The following DACH2 variants were observed in gnomAD, a reference collection of about 807,000 sequenced individuals.
DACH2 encodes the protein dachshund homolog 2.
In DACH2, 17 loss-of-function variants were observed where a neutral mutation model predicts 35.8. The ratio of observed to expected loss-of-function variants is 0.48; its 90% CI spans 0.33 to 0.71. The LOEUF (loss-of-function observed/expected upper bound fraction) is 0.71, where lower values mean the gene tolerates loss of function less well. Among genes scored for constraint, DACH2 ranks in the 30% least tolerant of loss-of-function variants. The pLI, the probability that DACH2 is intolerant of heterozygous loss-of-function variation, is 0.02. For missense variants in DACH2, 469 were observed against 472.7 expected (o/e 0.99, Z 0.07); for synonymous variants, 195 against 177.3 (o/e 1.10, Z -0.79).
chrX:86,349,874 A>T (rs2035563731), intron 1 of DACH2, among the ~76,000 whole-genome samples: 1 of 111,824 alleles, frequency 8.9e-6, no homozygotes, highest in African/African-American at 3.3e-5. Context: ...TTTACACTAC[A>T]GTTAGTTCAG....
intron 7 of DACH2, among the ~76,000 whole-genome samples, chrX:86,772,958 A>G (rs1053109198): frequency 3.6e-5 from 4 of 111,666 alleles, no homozygotes; most frequent in African/African-American, 1.3e-4. Flanking sequence ...GGAGCATTCA[A>G]TCAGGTGCTT....
chrX:86,207,401 C>A (rs1445176165), intron 1 of DACH2, among the ~76,000 whole-genome samples: 1 of 111,102 alleles, frequency 9.0e-6, no homozygotes, highest in African/African-American at 3.3e-5. Flanking sequence ...GGATGTATTG[C>A]ATCCACAGAA....
intron 7 of DACH2, among the ~76,000 whole-genome samples, chrX:86,755,557 G>A (rs750570125): frequency 1.1e-4 from 12 of 107,284 alleles, no homozygotes; most frequent in African/African-American, 3.7e-4. Flanking sequence ...TATAGTTTCA[G>A]GTCTTACATT....
chrX:86,510,536 A>G (rs1442596730), intron 2 of DACH2, among the ~76,000 whole-genome samples: 1 of 111,917 alleles, frequency 8.9e-6, no homozygotes, highest in African/African-American at 3.2e-5. Context: ...TTTCTTCTAA[A>G]GAAGTTTACA....
At chrX:86,186,378 G>C (rs1306272724) in intron 1 of DACH2, among the ~76,000 whole-genome samples, 1 of 112,032 alleles carries the variant, frequency 8.9e-6, no homozygotes, top group Non-Finnish European at 1.9e-5. Context: ...TTGTCATATT[G>C]TATAATGAAT....
intron 1 of DACH2, among the ~76,000 whole-genome samples, chrX:86,239,731 C>A: frequency 8.9e-6 from 1 of 111,934 alleles, no homozygotes; most frequent in East Asian, 2.8e-4. Flanking sequence ...ATTGCTGTAT[C>A]ATAGACTTAG....
intron 1 of DACH2, among the ~76,000 whole-genome samples, chrX:86,155,814 C>G (rs1181861995): frequency 2.7e-5 from 3 of 110,715 alleles, no homozygotes; most frequent in Non-Finnish European, 3.8e-5. Flanking sequence ...AATAGGAAAA[C>G]AGTAAACACC....
intron 3 of DACH2, among the ~76,000 whole-genome samples, chrX:86,519,300 G>A (rs1224254618): frequency 8.9e-6 from 1 of 111,937 alleles, no homozygotes; most frequent in Non-Finnish European, 1.9e-5. Flanking sequence ...CAATATGCAA[G>A]TGTTTTGTTC....
chrX:86,474,877 G>A (rs772010769), intron 2 of DACH2, among the ~76,000 whole-genome samples: 1 of 111,543 alleles, frequency 9.0e-6, no homozygotes, highest in East Asian at 2.8e-4. Context: ...GGGATTACAG[G>A]TGCCCACCAC....
At chrX:86,565,026 A>C (rs774215605) in intron 3 of DACH2, among the ~76,000 whole-genome samples, 1 of 111,642 alleles carries the variant, frequency 9.0e-6, no homozygotes, top group African/African-American at 3.2e-5. Context: ...TGTAACCTTC[A>C]TGGATATAAA....
chrX:86,521,938 A>C (rs762406586), intron 3 of DACH2, among the ~76,000 whole-genome samples: 6 of 111,712 alleles, frequency 5.4e-5, no homozygotes, highest in African/African-American at 1.6e-4. Flanking sequence ...CCTTTAATTT[A>C]TATAGCTTGA....
At chrX:86,437,586 G>A (rs2037088565) in intron 2 of DACH2, among the ~76,000 whole-genome samples, 1 of 111,543 alleles carries the variant, frequency 9.0e-6, no homozygotes, top group Non-Finnish European at 1.9e-5. Context: ...ATGACCTCCA[G>A]TTCTTTCTCT....
intron 1 of DACH2, among the ~76,000 whole-genome samples, chrX:86,327,002 T>C (rs761573090): frequency 3.6e-5 from 4 of 111,886 alleles, no homozygotes; most frequent in Admixed American, 1.9e-4. Flanking sequence ...GTTGACTGTG[T>C]ACCAGGCACC....
chrX:86,478,583 A>G (rs1213203253), intron 2 of DACH2, among the ~76,000 whole-genome samples: 6 of 90,822 alleles, frequency 6.6e-5, no homozygotes, highest in African/African-American at 2.5e-4. Context: ...CCATTCACAC[A>G]TCTTGCTACT....
At chrX:86,310,518 C>T (rs1266780400) in intron 1 of DACH2, among the ~76,000 whole-genome samples, 2 of 111,633 alleles carry the variant, frequency 1.8e-5, no homozygotes, top group South Asian at 3.8e-4. Context: ...TGCAGCACAA[C>T]AGCCCATTTC....
At chrX:86,666,104 C>T (rs2040665424) in intron 4 of DACH2, among the ~76,000 whole-genome samples, 1 of 111,160 alleles carries the variant, frequency 9.0e-6, no homozygotes, top group African/African-American at 3.3e-5. Context: ...TTTGAGTCAA[C>T]TTGTAGAATG....
chrX:86,316,616 T>C (rs2034912359), intron 1 of DACH2, among the ~76,000 whole-genome samples: 1 of 111,512 alleles, frequency 9.0e-6, no homozygotes, highest in African/African-American at 3.3e-5. Context: ...TAATGGCTGT[T>C]AGGGGGAATT....
At chrX:86,304,472 C>T in intron 1 of DACH2, 1 of 124,995 alleles carries the variant, frequency 8.0e-6, no homozygotes, top group Admixed American at 8.4e-5. Context: ...GATGCAAAGC[C>T]ACCAGAATGC....
intron 5 of DACH2, among the ~76,000 whole-genome samples, chrX:86,699,806 G>A (rs12847257): frequency 0.32 from 35,571 of 110,614 alleles, 4,387 homozygotes; most frequent in Middle Eastern, 0.43. Flanking sequence ...TTGTTAATTT[G>A]AGATCTTCCA....
Sources: gnomAD v4.1 joint callset for allele counts (sites outside exome capture counted in the v4.1 genomes callset) on GRCh38, gnomAD v4.1.1 for gene constraint, MANE v1.5 for transcripts, NCBI Gene and HGNC (gene_info 2026-07-23, HGNC 2026-07-21) for gene names.